The following DYSF variants were observed in gnomAD, a reference collection of about 807,000 sequenced individuals.
DYSF encodes dysferlin.
DYSF carries 212 observed loss-of-function variants against 274.9 expected under a neutral mutation model. The ratio of observed to expected loss-of-function variants is 0.77; its 90% CI spans 0.69 to 0.86. The LOEUF (loss-of-function observed/expected upper bound fraction) is 0.86. DYSF is among the 40% of genes least tolerant of loss of function. The pLI, the probability that DYSF is intolerant of heterozygous loss-of-function variation, is 0.00. For synonymous variants in DYSF, 1,091 were observed against 1,078.7 expected (o/e 1.01, Z -0.22); for missense variants, 2,666 against 2,783.2 (o/e 0.96, Z 0.95).
At chr2:71,496,550 C>T (rs2084416800) in intron 3 of DYSF, among the ~76,000 whole-genome samples, 1 of 152,106 alleles carries the variant, frequency 6.6e-6, no homozygotes, top group African/African-American at 2.4e-5. Flanking sequence ...TGTCTATGTA[C>T]CGACATAGAC....
Position 71,681,059 on chromosome 2 carries a change from C to T in DYSF, c.6122C>T (p.Ala2041Val). ...GAGAGTGAGCATGAGGAGCGGCCTG[C>T]TGGCCAGGGCCGGGATGAGCCCAAC... Reference protein sequence around the residue: ...VAESEHEERPAGQGRDEPNMN... With the variant: ...VAESEHEERPVGQGRDEPNMN... The change falls in exon 54 of 56, where the codon GCT (alanine) becomes GTT (valine). Residue 2041 changes from alanine to valine, a missense_variant. Physicochemically the swap from Ala to Val is moderately conservative, Grantham distance 64. Around this residue, in one of 3 missense-constraint regions of DYSF, gnomAD observed 1,460 missense variants for 1,502.1 expected, o/e 0.97. Transcript: ENST00000410020. 1 of 1,614,218 alleles carries T rather than the reference C, an allele frequency of 6.2e-7. No individual in the cohort carries two copies. The highest frequency in any genetic ancestry group is 8.5e-7 in the Non-Finnish European group (1 of 1,180,040).
rs544560049 is a variant in DYSF at position 71,503,595 on chromosome 2, C to T, written c.345+276C>T. Reference sequence around the variant, plus strand: ...CCTTGGTCTGGTGCTGCCGGTCTGGCCACCTCCTGTCCCCAGCTTCCTGGT... The same window carrying T: ...CCTTGGTCTGGTGCTGCCGGTCTGGTCACCTCCTGTCCCCAGCTTCCTGGT... On this transcript the variant is annotated intron_variant, in intron 4 of 55. Transcript: ENST00000410020. Among the ~76,000 whole-genome samples, 30 of 152,204 alleles carry T rather than the reference C, an allele frequency of 2.0e-4. 1 individual carries two copies. The highest frequency in any genetic ancestry group is 1.7e-3 in the East Asian group (9 of 5,162).
intron 3 of DYSF, among the ~76,000 whole-genome samples, chr2:71,496,234 T>G (rs951842514): frequency 6.6e-6 from 1 of 152,196 alleles, no homozygotes; most frequent in South Asian, 2.1e-4. Flanking sequence ...GGCTTATGCC[T>G]GTAATCCCAG....
At chr2:71,605,483 T>C (rs1331095566) in intron 36 of DYSF, among the ~76,000 whole-genome samples, 3 of 151,966 alleles carry the variant, frequency 2.0e-5, no homozygotes, top group African/African-American at 7.3e-5. Flanking sequence ...AGAACATGTG[T>C]AGAAGAAGAC....
chr2:71,576,024 T>A (rs1447119755), intron 30 of DYSF, among the ~76,000 whole-genome samples: 1 of 152,224 alleles, frequency 6.6e-6, no homozygotes, highest in Non-Finnish European at 1.5e-5. Context: ...CTGTTTTCCA[T>A]GCAGCTGGAG....
At chr2:71,596,442 A>G (rs1409961396) in intron 32 of DYSF, among the ~76,000 whole-genome samples, 1 of 152,144 alleles carries the variant, frequency 6.6e-6, no homozygotes, top group East Asian at 1.9e-4. Context: ...CTGGCTCTCT[A>G]ATATGGTTTT....
At chr2:71,467,283 C>G (rs766545557) in intron 1 of DYSF, among the ~76,000 whole-genome samples, 1 of 152,164 alleles carries the variant, frequency 6.6e-6, no homozygotes, top group Non-Finnish European at 1.5e-5. Flanking sequence ...AGAGAGGAAT[C>G]AGGGCCTCTG....
At chr2:71,571,832 C>T (rs1363484121) in intron 29 of DYSF, among the ~76,000 whole-genome samples, 19 of 123,114 alleles carry the variant, frequency 1.5e-4, no homozygotes, top group African/African-American at 5.1e-4. Context: ...CACATCACAC[C>T]CAGCACATGC....
At position 71,517,036 on chromosome 2, in the gene DYSF, C is replaced by T. The variant is rs367878277; in HGVS notation, c.999C>T (p.Phe333=). The change falls in exon 10 of 56, where the codon TTC becomes TTT. Residue 333 remains phenylalanine (F), a synonymous_variant. Transcript: ENST00000410020. ...SLRTDALLGE[F]RMDVGTIYRE... ...GGACAGATGCTCTCCTCGGGGAGTTCCGGGTAATTGCTTATTTTCTATGAA... is the reference window on the plus strand; with the variant it reads ...GGACAGATGCTCTCCTCGGGGAGTTTCGGGTAATTGCTTATTTTCTATGAA... The T allele has an allele frequency of 6.8e-6, 11 of 1,614,052 alleles. No homozygotes were observed. The highest frequency in any genetic ancestry group is 8.5e-6 in the Non-Finnish European group (10 of 1,179,962).
chr2:71,581,918 AG>A (rs1350681180), intron 30 of DYSF, among the ~76,000 whole-genome samples: 2 of 152,154 alleles, frequency 1.3e-5, no homozygotes, highest in East Asian at 3.9e-4. Context: ...CAAGGCAGGC[AG>A]ATCACCTGAG....
chr2:71,599,897 G>A (rs922933344), intron 33 of DYSF, among the ~76,000 whole-genome samples: 2 of 152,350 alleles, frequency 1.3e-5, no homozygotes, highest in East Asian at 1.9e-4. Context: ...GGGATGCAAC[G>A]TTGGGGTGCT....
intron 3 of DYSF, among the ~76,000 whole-genome samples, chr2:71,499,996 C>T (rs761207236): frequency 6.6e-6 from 1 of 152,204 alleles, no homozygotes; most frequent in Non-Finnish European, 1.5e-5. Context: ...ACTTGCCAGG[C>T]CCCTGGTTGG....
At chr2:71,618,697 G>A (rs1055456134) in intron 40 of DYSF, among the ~76,000 whole-genome samples, 3 of 149,952 alleles carry the variant, frequency 2.0e-5, no homozygotes, top group African/African-American at 7.4e-5. Flanking sequence ...GTGTGTGTGC[G>A]TGGTAGAGAT....
chr2:71,499,143 A>G (rs2084718542), intron 3 of DYSF, among the ~76,000 whole-genome samples: 1 of 152,134 alleles, frequency 6.6e-6, no homozygotes, highest in Admixed American at 6.5e-5. Flanking sequence ...CCCTCTTCTT[A>G]GTTTCTTATG....
chr2:71,601,628 T>G, intron 35 of DYSF, 100 bp downstream of exon 35: 1 of 1,516,772 alleles, frequency 6.6e-7, no homozygotes, highest in Non-Finnish European at 9.1e-7. Context: ...ATTACCGCGA[T>G]CCTGCCTCAA....
chr2:71,599,394 A>C (rs2093487895), intron 33 of DYSF, among the ~76,000 whole-genome samples: 1 of 152,266 alleles, frequency 6.6e-6, no homozygotes, highest in African/African-American at 2.4e-5. Flanking sequence ...TAACGAAGTA[A>C]AATTAAAATT....
At chr2:71,646,001 T>C (rs1311613649) in intron 42 of DYSF, among the ~76,000 whole-genome samples, 1 of 152,182 alleles carries the variant, frequency 6.6e-6, no homozygotes, top group Non-Finnish European at 1.5e-5. Context: ...GCGCAGAGTC[T>C]CTGCTAGGCA....
chr2:71,520,889 T>C lies in DYSF; in HGVS notation c.1134T>C (p.Pro378=), dbSNP rs571559303. ...YLKTSLCVLG[P]GDEAPLERKD... ...AAACAAGCCTTTGTGTGCTGGGGCC[T>C]GGGGACGAAGCGCCTGTGAGTACAT... Residue 378 remains proline (P), a synonymous_variant, in exon 12 of 56, where the codon CCT becomes CCC. Coordinates refer to ENST00000410020, the MANE Select transcript of DYSF (RefSeq NM_001130987.2). 7.7e-4 allele frequency: 1,244 copies of C among 1,614,094 alleles called. 19 individuals carry two copies. The South Asian group carries it at 0.013, about 17-fold the overall frequency.
chr2:71,662,046 A>C (rs1356817161), intron 45 of DYSF, among the ~76,000 whole-genome samples: 2 of 152,042 alleles, frequency 1.3e-5, no homozygotes, highest in Non-Finnish European at 1.5e-5. Context: ...GACTCAGGGG[A>C]GATAGGGGAG....
Sources: gnomAD v4.1 joint callset for allele counts (sites outside exome capture counted in the v4.1 genomes callset) on GRCh38, gnomAD v4.1.1 for gene constraint, gnomAD v4.1.1 regional missense constraint, MANE v1.5 for transcripts, NCBI Gene and HGNC (gene_info 2026-07-23, HGNC 2026-07-21) for gene names.